The following EPM2A variants were observed in gnomAD, a reference collection of about 807,000 sequenced individuals.
EPM2A encodes the protein laforin.
Under a neutral mutation model 26.5 loss-of-function variants are expected in EPM2A, and 21 were observed. The ratio of observed to expected loss-of-function variants is 0.79; its 90% CI spans 0.56 to 1.14. The LOEUF is 1.14. Among genes scored for constraint, EPM2A ranks in the 50% most tolerant of loss-of-function variants. The pLI, the probability that EPM2A is intolerant of heterozygous loss-of-function variation, is 0.00. For missense variants in EPM2A, 458 were observed against 440.8 expected, an observed-to-expected ratio of 1.04 and a Z score of -0.35; for synonymous variants, 217 against 177.6, an observed-to-expected ratio of 1.22 and a Z score of -1.76.
intron 2 of EPM2A, among the ~76,000 whole-genome samples, chr6:145,516,109 G>A (rs1780122747): frequency 6.6e-6 from 1 of 152,104 alleles, no homozygotes; most frequent in South Asian, 2.1e-4. Context: ...CATATCCTTG[G>A]GAGAGCTACA....
At chr6:145,680,593 C>T in intron 2 of EPM2A, among the ~76,000 whole-genome samples, 1 of 151,826 alleles carries the variant, frequency 6.6e-6, no homozygotes, top group African/African-American at 2.4e-5. Context: ...TTCCTGTGTC[C>T]ATGTGTTCTC....
At chr6:145,397,727 GTAT>G (rs1413182119) in intron 4 of EPM2A, among the ~76,000 whole-genome samples, 1 of 152,136 alleles carries the variant, frequency 6.6e-6, no homozygotes, top group Non-Finnish European at 1.5e-5. Flanking sequence ...CTCTTATCAA[GTAT>G]TATTGACCAA....
chr6:145,530,443 T>C (rs1037101514), intron 2 of EPM2A, among the ~76,000 whole-genome samples: 1 of 152,078 alleles, frequency 6.6e-6, no homozygotes, highest in African/African-American at 2.4e-5. Context: ...TGGGGGTGCA[T>C]AGCAGAAGCC....
chr6:145,425,763 C>T (rs1489261854), intron 4 of EPM2A, among the ~76,000 whole-genome samples: 1 of 152,108 alleles, frequency 6.6e-6, no homozygotes, highest in Non-Finnish European at 1.5e-5. Flanking sequence ...ATTGAAGACA[C>T]GTAGCCACTG....
chr6:145,443,587 C>T (rs1251506721), intron 4 of EPM2A, among the ~76,000 whole-genome samples: 1 of 152,220 alleles, frequency 6.6e-6, no homozygotes, highest in Middle Eastern at 3.4e-3. Flanking sequence ...TTTTATATCC[C>T]AAAACTTTGC....
intron 2 of EPM2A, among the ~76,000 whole-genome samples, chr6:145,534,798 G>A (rs576957977): frequency 9.2e-5 from 14 of 152,222 alleles, no homozygotes; most frequent in South Asian, 2.1e-4. Flanking sequence ...CTCATAAAGC[G>A]TCATTTGGTG....
chr6:145,420,364 C>G (rs764751519), intron 4 of EPM2A, among the ~76,000 whole-genome samples: 4 of 152,116 alleles, frequency 2.6e-5, no homozygotes, highest in Non-Finnish European at 5.9e-5. Flanking sequence ...ACTACTAGAA[C>G]TTTTAAAATT....
intron 2 of EPM2A, among the ~76,000 whole-genome samples, chr6:145,532,372 AC>A (rs1198555966): frequency 1.3e-5 from 2 of 152,192 alleles, no homozygotes; most frequent in Admixed American, 6.5e-5. Flanking sequence ...CCTAATCCTT[AC>A]CTTGAGTAAA....
At chr6:145,628,387 A>T (rs1276321307) in intron 3 of EPM2A, 1 of 153,576 alleles carries the variant, frequency 6.5e-6, no homozygotes, top group Non-Finnish European at 1.5e-5. Context: ...TCAACACGCC[A>T]GGAGAGGACA....
chr6:145,502,804 G>A (rs376515796), intron 2 of EPM2A, among the ~76,000 whole-genome samples: 105 of 152,264 alleles, frequency 6.9e-4, no homozygotes, highest in African/African-American at 2.4e-3. Flanking sequence ...CAAACTGGAT[G>A]TACAAATCAA....
At chr6:145,440,866 G>A (rs920787713) in intron 4 of EPM2A, among the ~76,000 whole-genome samples, 29 of 152,146 alleles carry the variant, frequency 1.9e-4, no homozygotes, top group Admixed American at 9.2e-4. Context: ...TTGCTTTCAC[G>A]GGCTGGCATT....
At chr6:145,471,465 C>T (rs977843686) in intron 4 of EPM2A, among the ~76,000 whole-genome samples, 1 of 152,098 alleles carries the variant, frequency 6.6e-6, no homozygotes, top group African/African-American at 2.4e-5. Context: ...GGTGAGCATG[C>T]ATAGAACCTG....
At chr6:145,486,662 G>T (rs1430412151) in intron 4 of EPM2A, among the ~76,000 whole-genome samples, 3 of 151,762 alleles carry the variant, frequency 2.0e-5, no homozygotes, top group African/African-American at 7.2e-5. Context: ...TTATATATTT[G>T]ACCCTATTTT....
At chr6:145,433,997 C>T (rs138494565) in intron 4 of EPM2A, among the ~76,000 whole-genome samples, 256 of 152,072 alleles carry the variant, frequency 1.7e-3, no homozygotes, top group African/African-American at 5.5e-3. Context: ...TGCATCTCTT[C>T]TAGCAAAATA....
chr6:145,471,617 C>G (rs753302511), intron 4 of EPM2A, among the ~76,000 whole-genome samples: 1 of 152,054 alleles, frequency 6.6e-6, no homozygotes, highest in Admixed American at 6.6e-5. Flanking sequence ...TGGGCATTGG[C>G]GGAGAACACA....
intron 1 of EPM2A, among the ~76,000 whole-genome samples, chr6:145,708,246 G>A (rs772134423): frequency 3.9e-5 from 6 of 152,178 alleles, no homozygotes; most frequent in Non-Finnish European, 8.8e-5. Context: ...GCATTTTCTG[G>A]GGAAAAAATC....
chr6:145,729,218 C>T (rs917029591), intron 1 of EPM2A, among the ~76,000 whole-genome samples: 4 of 152,322 alleles, frequency 2.6e-5, no homozygotes, highest in Admixed American at 2.0e-4. Flanking sequence ...TAAGGCAGTG[C>T]ACAGGGGAAA....
At chr6:145,481,635 G>C (rs1329529558) in intron 4 of EPM2A, among the ~76,000 whole-genome samples, 1 of 152,074 alleles carries the variant, frequency 6.6e-6, no homozygotes, top group East Asian at 1.9e-4. Flanking sequence ...AATCTCAGGA[G>C]AGACCCTGAC....
chr6:145,441,202 G>A (rs753292835), intron 4 of EPM2A, among the ~76,000 whole-genome samples: 4 of 152,192 alleles, frequency 2.6e-5, no homozygotes, highest in Non-Finnish European at 5.9e-5. Flanking sequence ...GCCAAGGCTT[G>A]GCGCTTGCAC....
Sources: gnomAD v4.1 joint callset for allele counts (sites outside exome capture counted in the v4.1 genomes callset) on GRCh38, gnomAD v4.1.1 for gene constraint, MANE v1.5 for transcripts, NCBI Gene and HGNC (gene_info 2026-07-23, HGNC 2026-07-21) for gene names.